The following TMC1 variants were observed in gnomAD, a reference collection of about 807,000 sequenced individuals.
The protein encoded by TMC1 is transmembrane channel-like protein 1.
Under a neutral mutation model 105.8 loss-of-function variants are expected in TMC1, and 84 were observed. The ratio of observed to expected loss-of-function variants is 0.79; its 90% confidence interval spans 0.67 to 0.95. TMC1 has a LOEUF of 0.95. Among genes scored for constraint, TMC1 ranks in the 40% least tolerant of loss-of-function variants. The probability of loss-of-function intolerance (pLI) is 0.00; values close to 1 mark genes in which losing one functional copy is unlikely to be tolerated. For missense variants in TMC1, 817 were observed against 914.1 expected (o/e 0.89, Z 1.37); for synonymous variants, 315 against 311.5 (o/e 1.01, Z -0.12).
chr9:72,817,013 A>G (rs1320468469), intron 19 of TMC1: 1 of 152,240 alleles, frequency 6.6e-6, no homozygotes, highest in Non-Finnish European at 1.5e-5. Flanking sequence ...GCTGCCAACC[A>G]TACCATTGTC....
Position 72,688,625 on chromosome 9 carries a change from A to AT in TMC1, c.17-83dup, listed in dbSNP as rs1394877874. ...GTATTAACTGCACAAAAACATTATG[A>AT]TAAAAACAATAAAAGTAAAAACCAC... On this transcript the variant is annotated intron_variant, in intron 5 of 23. Coordinates refer to ENST00000297784, the MANE Select transcript of TMC1 (RefSeq NM_138691.3). 15 of 1,285,608 alleles carry AT rather than the reference A, an allele frequency of 1.2e-5. No individual in the cohort carries two copies. In the East Asian group the frequency reaches 3.4e-4, roughly 29 times the overall value. 79.6% of individuals were successfully genotyped at this position (1,285,608 alleles called of 1,614,324 possible). A position where few individuals can be genotyped will look rare whatever the true frequency, so the allele number is the denominator to read the frequency against.
chr9:72,538,629 G>A (rs1262463788), intron 1 of TMC1, among the ~76,000 whole-genome samples: 1 of 152,014 alleles, frequency 6.6e-6, no homozygotes, highest in Non-Finnish European at 1.5e-5. Context: ...AGTAGAGATG[G>A]GGTTTCACCA....
intron 1 of TMC1, among the ~76,000 whole-genome samples, chr9:72,528,418 T>A (rs185946537): frequency 1.3e-5 from 2 of 150,858 alleles, no homozygotes; most frequent in Middle Eastern, 6.8e-3. Flanking sequence ...CACAACAAAC[T>A]CCGCCTCCCG....
intron 5 of TMC1, among the ~76,000 whole-genome samples, chr9:72,656,967 G>A (rs1474348089): frequency 3.3e-5 from 5 of 152,292 alleles, no homozygotes; most frequent in Non-Finnish European, 1.5e-5. Flanking sequence ...GGTAGCCTAA[G>A]CTATTCCTGA....
chr9:72,544,770 G>A (rs1389262181), intron 1 of TMC1, among the ~76,000 whole-genome samples: 3 of 141,886 alleles, frequency 2.1e-5, no homozygotes, highest in Admixed American at 7.4e-5. Flanking sequence ...ATGAGCCAGC[G>A]CTCCCAGCCT....
intron 6 of TMC1, among the ~76,000 whole-genome samples, chr9:72,690,974 G>T (rs1374615052): frequency 6.6e-6 from 1 of 151,908 alleles, no homozygotes; most frequent in African/African-American, 2.4e-5. Context: ...TCTGCTTGTT[G>T]ATCCCTCATA....
chr9:72,701,448 G>A (rs1376797094), intron 8 of TMC1, among the ~76,000 whole-genome samples: 2 of 152,148 alleles, frequency 1.3e-5, no homozygotes, highest in African/African-American at 4.8e-5. Context: ...AAAGGGCAGG[G>A]AAAAGGGAAA....
chr9:72,642,991 T>TACATACA, intron 4 of TMC1, among the ~76,000 whole-genome samples: 1 of 152,342 alleles, frequency 6.6e-6, no homozygotes, highest in East Asian at 1.9e-4. Context: ...CACTACTGTA[T>TACATACA]GTAGCCTTTT....
intron 13 of TMC1, among the ~76,000 whole-genome samples, chr9:72,786,285 A>G (rs1441959113): frequency 1.3e-5 from 2 of 152,184 alleles, no homozygotes. Flanking sequence ...TCTACTAAAA[A>G]TACAAAAAAT....
intron 7 of TMC1, 123 bp from the exon 8 acceptor site, chr9:72,700,395 A>C: frequency 1.5e-6 from 1 of 680,144 alleles, no homozygotes; most frequent in Non-Finnish European, 2.4e-6. Flanking sequence ...TATGGGTCCT[A>C]ATGTTGACTG....
chr9:72,677,610 G>A (rs1015582408), intron 5 of TMC1, among the ~76,000 whole-genome samples: 1 of 152,134 alleles, frequency 6.6e-6, no homozygotes, highest in Non-Finnish European at 1.5e-5. Flanking sequence ...TTTACTAAAT[G>A]ACAAGAGATG....
At chr9:72,635,316 A>T (rs192627381) in intron 4 of TMC1, among the ~76,000 whole-genome samples, 14 of 152,194 alleles carry the variant, frequency 9.2e-5, no homozygotes, top group Admixed American at 9.2e-4. Context: ...TGAGGGCTTC[A>T]TTGCATATAC....
intron 10 of TMC1, among the ~76,000 whole-genome samples, chr9:72,746,093 T>C (rs1232703471): frequency 6.6e-6 from 1 of 152,180 alleles, no homozygotes; most frequent in Non-Finnish European, 1.5e-5. Flanking sequence ...TGAAATAAAG[T>C]TGGTTAAGTG....
intron 5 of TMC1, among the ~76,000 whole-genome samples, chr9:72,657,078 C>T (rs1439634683): frequency 2.0e-5 from 3 of 152,168 alleles, no homozygotes; most frequent in Admixed American, 1.3e-4. Flanking sequence ...GGTATTCAGC[C>T]AAAGTTTGAA....
At chr9:72,719,326 T>C (rs951143936) in intron 8 of TMC1, among the ~76,000 whole-genome samples, 3 of 152,144 alleles carry the variant, frequency 2.0e-5, no homozygotes, top group African/African-American at 7.2e-5. Context: ...AAGTCAGAAA[T>C]TGCTTCTCTG....
chr9:72,809,803 G>A (rs558798938), intron 18 of TMC1, among the ~76,000 whole-genome samples: 1 of 152,270 alleles, frequency 6.6e-6, no homozygotes, highest in African/African-American at 2.4e-5. Context: ...AAATTGGCTG[G>A]AGTTGAGAAA....
chr9:72,678,851 A>G (rs922789733), intron 5 of TMC1, among the ~76,000 whole-genome samples: 2 of 152,070 alleles, frequency 1.3e-5, no homozygotes, highest in Admixed American at 6.6e-5. Context: ...CATGGCTAAA[A>G]TGATCCCAGG....
chr9:72,590,411 C>A (rs1472106284), intron 2 of TMC1, among the ~76,000 whole-genome samples: 1 of 152,162 alleles, frequency 6.6e-6, no homozygotes, highest in Non-Finnish European at 1.5e-5. Flanking sequence ...CTGAATCAGG[C>A]AGTGAAAGAG....
At chr9:72,752,702 AC>A (rs1827600589) in intron 11 of TMC1, among the ~76,000 whole-genome samples, 1 of 152,172 alleles carries the variant, frequency 6.6e-6, no homozygotes, top group South Asian at 2.1e-4. Context: ...GTTTTAGTTA[AC>A]CTACAAAGGA....
Sources: allele counts gnomAD v4.1 joint callset (sites outside exome capture counted in the v4.1 genomes callset), GRCh38; gene constraint gnomAD v4.1.1; transcripts MANE v1.5; gene names NCBI Gene and HGNC (gene_info 2026-07-23, HGNC 2026-07-21).